The following BICDL1 variants were observed in gnomAD, a reference collection of about 807,000 sequenced individuals.
BICDL1 encodes the protein BICD family-like cargo adapter 1.
In BICDL1, 20 loss-of-function variants were observed where a neutral mutation model predicts 76.8. The observed-to-expected ratio is 0.26, with a 90% confidence interval of 0.18 to 0.38. The LOEUF is 0.38. Ranked by LOEUF, BICDL1 falls within the 10% of genes least tolerant of loss-of-function variation. The pLI, the probability that BICDL1 is intolerant of heterozygous loss-of-function variation, is 1.00. For synonymous variants in BICDL1, 383 were observed against 337.1 expected, an observed-to-expected ratio of 1.14 and a Z score of -1.49; for missense variants, 700 against 798.6, an observed-to-expected ratio of 0.88 and a Z score of 1.49.
chr12:120,022,412 T>A (rs573612234), intron 2 of BICDL1, among the ~76,000 whole-genome samples: 77 of 147,080 alleles, frequency 5.2e-4, no homozygotes, highest in Non-Finnish European at 9.1e-4. Context: ...AAATATATAT[T>A]TATATATATA....
At chr12:120,025,347 G>A (rs959789364) in intron 2 of BICDL1, among the ~76,000 whole-genome samples, 1 of 152,194 alleles carries the variant, frequency 6.6e-6, no homozygotes, top group East Asian at 1.9e-4. Flanking sequence ...ACCGCGCCCG[G>A]CCGATATTAT....
intron 1 of BICDL1, among the ~76,000 whole-genome samples, chr12:119,995,114 C>T (rs986141684): frequency 6.6e-6 from 1 of 152,094 alleles, no homozygotes. Flanking sequence ...TTGATATTAA[C>T]TTTCTAAAAT....
chr12:120,006,213 C>T (rs1475211366), intron 2 of BICDL1, among the ~76,000 whole-genome samples: 1 of 152,146 alleles, frequency 6.6e-6, no homozygotes, highest in Non-Finnish European at 1.5e-5. Context: ...TTCTGGAAAG[C>T]TGGCAGTGTT....
intron 2 of BICDL1, among the ~76,000 whole-genome samples, chr12:120,042,804 C>CAAA (rs538558620): frequency 1.7e-5 from 2 of 120,696 alleles, no homozygotes; most frequent in Non-Finnish European, 1.8e-5. Flanking sequence ...GACTCCCCCT[C>CAAA]AAAAAAAAAA....
At chr12:120,035,928 C>T (rs928858136) in intron 2 of BICDL1, among the ~76,000 whole-genome samples, 11 of 152,072 alleles carry the variant, frequency 7.2e-5, no homozygotes, top group Admixed American at 2.6e-4. Context: ...TTTGTTTTGC[C>T]TTTCTGGAAT....
At chr12:119,996,787 C>A (rs1304765708) in intron 1 of BICDL1, among the ~76,000 whole-genome samples, 1 of 152,128 alleles carries the variant, frequency 6.6e-6, no homozygotes, top group African/African-American at 2.4e-5. Flanking sequence ...TGAATAGTTA[C>A]ACCAGAATGT....
chr12:120,015,731 A>G (rs1300791270), intron 2 of BICDL1, among the ~76,000 whole-genome samples: 2 of 152,232 alleles, frequency 1.3e-5, no homozygotes, highest in Non-Finnish European at 2.9e-5. Context: ...ACCATTTACT[A>G]AAAGGTTGAA....
intron 8 of BICDL1, among the ~76,000 whole-genome samples, chr12:120,083,324 A>C (rs1407694121): frequency 6.6e-6 from 1 of 152,028 alleles, no homozygotes; most frequent in East Asian, 1.9e-4. Flanking sequence ...TGGCCCAGTC[A>C]CAGCTAACTG....
At chr12:120,030,200 A>G (rs1326394482) in intron 2 of BICDL1, among the ~76,000 whole-genome samples, 1 of 152,226 alleles carries the variant, frequency 6.6e-6, no homozygotes. Context: ...CAAGTAAACA[A>G]TACTGTATTA....
intron 8 of BICDL1, among the ~76,000 whole-genome samples, chr12:120,089,305 G>T (rs983273517): frequency 1.6e-5 from 2 of 127,562 alleles, no homozygotes; most frequent in Admixed American, 7.0e-5. Flanking sequence ...TGTGTGTGTG[G>T]GGTGTGACGG....
intron 4 of BICDL1, among the ~76,000 whole-genome samples, chr12:120,067,903 A>G (rs577776527): frequency 1.3e-5 from 2 of 152,320 alleles, no homozygotes; most frequent in East Asian, 3.9e-4. Context: ...GGGTTGGAGA[A>G]GTTCCCACTG....
At chr12:120,028,868 A>G (rs906215127) in intron 2 of BICDL1, among the ~76,000 whole-genome samples, 2 of 152,198 alleles carry the variant, frequency 1.3e-5, no homozygotes, top group Non-Finnish European at 2.9e-5. Context: ...AAAAGAAAAA[A>G]CCAAGAAAAT....
In BICDL1 at chr12:119,989,576, C is replaced by T. The variant is rs1418818571; in HGVS notation, c.-293C>T. ...GACCCTCAGTCTCTGTTCCTGAGTCCTCCCTTCCCCAGCCTTCCCGTTCCC... is the reference window on the plus strand; with the variant it reads ...GACCCTCAGTCTCTGTTCCTGAGTCTTCCCTTCCCCAGCCTTCCCGTTCCC... On this transcript the variant is annotated 5_prime_UTR_variant, in exon 1 of 10. Coordinates refer to ENST00000548673, the MANE Select transcript of BICDL1 (RefSeq NM_001367886.1). Among the ~76,000 whole-genome samples, 1 of 150,522 alleles carries T rather than the reference C, an allele frequency of 6.6e-6. No homozygotes were observed. Among genetic ancestry groups the T allele is most frequent in the Non-Finnish European group, 1.5e-5 (1 of 67,438 alleles).
chr12:120,091,220 C>G (rs1405780895), intron 9 of BICDL1: 3 of 1,167,322 alleles, frequency 2.6e-6, no homozygotes, highest in East Asian at 6.0e-5. Flanking sequence ...TGGCCCAGTG[C>G]TAACGGCTGG....
chr12:120,059,239 C>T (rs974427292), intron 2 of BICDL1, among the ~76,000 whole-genome samples: 3 of 152,024 alleles, frequency 2.0e-5, no homozygotes, highest in Non-Finnish European at 4.4e-5. Context: ...GTACTATAGG[C>T]ACGCACCACC....
chr12:120,073,430 T>C (rs964750613), intron 6 of BICDL1, among the ~76,000 whole-genome samples: 1 of 152,180 alleles, frequency 6.6e-6, no homozygotes, highest in African/African-American at 2.4e-5. Context: ...TAGCTGTGAA[T>C]TGGCAAAAGT....
rs369685662 is a variant in BICDL1, at chr12:120,041,460, C to T, written c.646-20250C>T. ...TCAAATTTGTCTGCTATGTGCCTGG[C>T]TCACTTCCGAGTACTGGGGTTGTGG... is the stretch of plus-strand genomic sequence containing the variant. On this transcript the variant is annotated intron_variant, in intron 2 of 9. Coordinates refer to ENST00000548673, the MANE Select transcript of BICDL1 (RefSeq NM_001367886.1). Among the ~76,000 whole-genome samples the T allele has an allele frequency of 2.4e-4, 37 of 152,274 alleles. 1 individual carries two copies. The South Asian group carries it at 7.3e-3, about 30-fold the overall frequency.
In BICDL1 at chr12:119,998,502, C is replaced by G; in HGVS notation, c.430-19C>G. 1 of 1,574,740 alleles carries G rather than the reference C, an allele frequency of 6.4e-7. No homozygotes were observed. Among genetic ancestry groups the G allele is most frequent in the Non-Finnish European group, 8.6e-7 (1 of 1,162,704 alleles). ...GTGGAATTTTTATCAGTGTTTAAAT[C>G]CCTTCACTTTTCACCCAGCACTTAG... On this transcript the variant is annotated intron_variant, in intron 1 of 9. Transcript: ENST00000548673.
intron 2 of BICDL1, among the ~76,000 whole-genome samples, chr12:120,033,117 A>C (rs1952458022): frequency 6.6e-6 from 1 of 151,920 alleles, no homozygotes; most frequent in African/African-American, 2.4e-5. Flanking sequence ...TAGATCAGTG[A>C]TCTCCACCTT....
Sources: gnomAD v4.1 joint callset for allele counts (sites outside exome capture counted in the v4.1 genomes callset) on GRCh38, gnomAD v4.1.1 for gene constraint, MANE v1.5 for transcripts, NCBI Gene and HGNC (gene_info 2026-07-23, HGNC 2026-07-21) for gene names.